The following VPS13C variants were observed in gnomAD, a reference collection of about 807,000 sequenced individuals.
VPS13C encodes vacuolar protein sorting 13 homolog C, also known as intermembrane lipid transfer protein VPS13C.
In VPS13C, 358 loss-of-function variants were observed where a neutral mutation model predicts 456.8. The ratio of observed to expected loss-of-function variants is 0.78; its 90% CI spans 0.72 to 0.86. The LOEUF (loss-of-function observed/expected upper bound fraction) is 0.86. VPS13C is among the 40% of genes least tolerant of loss of function. The pLI, the probability that VPS13C is intolerant of heterozygous loss-of-function variation, is 0.00. For synonymous variants in VPS13C, 1,578 were observed against 1,486.7 expected, an observed-to-expected ratio of 1.06 and a Z score of -1.41; for missense variants, 4,818 against 4,385.4, an observed-to-expected ratio of 1.10 and a Z score of -2.79.
At position 61,983,888 on chromosome 15, in the gene VPS13C, G is replaced by T. The variant is rs571658394; in HGVS notation, c.1846C>A (p.Pro616Thr). The change falls in exon 20 of 85, where the codon CCG (proline) becomes ACG (threonine). Residue 616 changes from proline to threonine, a missense_variant. Physicochemically the swap from Pro to Thr is conservative, Grantham distance 38 (BLOSUM62 -1). Coordinates refer to ENST00000644861, the MANE Select transcript of VPS13C (RefSeq NM_020821.3). ...GTCTGGTCAGCAGGACTATCCTCCG[G>T]ATTGGTTTCAAATTTAATTTTAAGC... is the stretch of plus-strand genomic sequence containing the variant. ...SLLKIKFETN[P>T]EDSPADQTLI... The T allele has an allele frequency of 1.2e-6, 2 of 1,614,116 alleles. No homozygotes were observed. Among genetic ancestry groups the T allele is most frequent in the South Asian group, 1.1e-5 (1 of 91,080 alleles).
chr15:61,886,521 C>T (rs1427309008), intron 67 of VPS13C, among the ~76,000 whole-genome samples: 1 of 152,076 alleles, frequency 6.6e-6, no homozygotes, highest in Non-Finnish European at 1.5e-5. Flanking sequence ...GAACAATATG[C>T]ACTAACTCAA....
In VPS13C at chr15:61,917,433, C is replaced by G; in HGVS notation, c.7963G>C (p.Gly2655Arg). The change falls in exon 60 of 85, where the codon GGG becomes CGG. Residue 2655 changes from glycine (G) to arginine (R), a missense_variant. Physicochemically the swap from Gly to Arg is moderately radical, Grantham distance 125. Around this residue, in one of 3 missense-constraint regions of VPS13C, gnomAD observed 4,552 missense variants for 4,130.6 expected, o/e 1.10. Transcript: ENST00000644861. ...ATGTAAGCTACATCCCAGTCTTCCC[C>G]ATGTGTACATATGTAGCTCAATTCA... is the stretch of plus-strand genomic sequence containing the variant. Reference protein sequence around the residue: ...PDELSYICTHGEDWDVAYIIH... With the variant: ...PDELSYICTHREDWDVAYIIH... 1 of 1,613,974 alleles carries G rather than the reference C, an allele frequency of 6.2e-7. No individual in the cohort carries two copies. The highest frequency in any genetic ancestry group is 2.2e-5 in the East Asian group (1 of 44,862).
chr15:62,016,588 A>G (rs1353240428), intron 9 of VPS13C, among the ~76,000 whole-genome samples: 1 of 151,936 alleles, frequency 6.6e-6, no homozygotes, highest in Non-Finnish European at 1.5e-5. Context: ...ATGTCCCTAC[A>G]AAGGACATGA....
At chr15:61,862,919 A>G (rs1894304029) in intron 82 of VPS13C, among the ~76,000 whole-genome samples, 1 of 152,170 alleles carries the variant, frequency 6.6e-6, no homozygotes, top group East Asian at 1.9e-4. Context: ...TAATTTTATT[A>G]TCTAGGATAG....
At chr15:61,881,508 A>G in intron 71 of VPS13C, 55 bp downstream of exon 71, 1 of 1,495,430 alleles carries the variant, frequency 6.7e-7, no homozygotes, top group Non-Finnish European at 9.0e-7. Context: ...ATTTATTTTC[A>G]AAGTAGATTC....
intron 2 of VPS13C, among the ~76,000 whole-genome samples, chr15:62,042,921 AT>A (rs898247873): frequency 4.0e-5 from 6 of 150,244 alleles, no homozygotes; most frequent in East Asian, 1.9e-4. Flanking sequence ...ATAATAAAAA[AT>A]ATATATATAT....
intron 5 of VPS13C, among the ~76,000 whole-genome samples, chr15:62,032,938 A>T (rs540037265): frequency 6.6e-6 from 1 of 151,898 alleles, no homozygotes; most frequent in South Asian, 2.1e-4. Flanking sequence ...AACGTAAGGC[A>T]GGATGTTAAA....
intron 19 of VPS13C, among the ~76,000 whole-genome samples, chr15:61,984,511 G>T (rs1401375434): frequency 3.9e-5 from 6 of 152,210 alleles, no homozygotes; most frequent in African/African-American, 1.4e-4. Flanking sequence ...ATGTTATATA[G>T]TTCTTGAATT....
At chr15:62,054,221 T>A (rs899946607) in intron 1 of VPS13C, among the ~76,000 whole-genome samples, 1 of 152,140 alleles carries the variant, frequency 6.6e-6, no homozygotes, top group African/African-American at 2.4e-5. Flanking sequence ...TGGTACCAGT[T>A]TGTGGGGAAC....
At chr15:61,966,358 A>G (rs559083013) in intron 29 of VPS13C, among the ~76,000 whole-genome samples, 2 of 151,752 alleles carry the variant, frequency 1.3e-5, no homozygotes, top group South Asian at 2.1e-4. Context: ...GAGAATATTC[A>G]TTTCTGGGAA....
chr15:61,973,636 G>A (rs777217445), intron 25 of VPS13C, 104 bp from the exon 26 acceptor site: 9 of 799,730 alleles, frequency 1.1e-5, no homozygotes, highest in Non-Finnish European at 1.7e-5. Context: ...AAGAGATATG[G>A]AAAGACACAT....
intron 4 of VPS13C, among the ~76,000 whole-genome samples, 197 bp downstream of exon 4, chr15:62,034,760 A>G (rs2047930210): frequency 6.6e-6 from 1 of 151,860 alleles, no homozygotes; most frequent in Admixed American, 6.6e-5. Flanking sequence ...TTCAACAACA[A>G]CAATACTTTA....
In VPS13C at chr15:61,867,886, T is replaced by C; in HGVS notation, c.10863+773A>G. ...CAATTAACACCACAGTTTGTTTTGATTTTTAAGGATGAAATCAAGTAGTAG... is the reference window on the plus strand; with the variant it reads ...CAATTAACACCACAGTTTGTTTTGACTTTTAAGGATGAAATCAAGTAGTAG... On this transcript the variant is annotated intron_variant, in intron 81 of 84. Transcript: ENST00000644861. This position sits in a 1 kb window ranked among gnomAD's most constrained non-coding sequence, Gnocchi z 5.0. The C allele has an allele frequency of 6.2e-7, 1 of 1,603,028 alleles. No individual in the cohort carries two copies. Among genetic ancestry groups the C allele is most frequent in the Non-Finnish European group, 8.5e-7 (1 of 1,174,826 alleles).
In VPS13C at chr15:61,929,750, TG is replaced by T. The variant is rs778245102; in HGVS notation, c.6039-3del. ...TGGTCATTCTTTCTGTCAATCATTC[TG>T]AAAAAAAACATGCTATTCATTATTT... is the stretch of plus-strand genomic sequence containing the variant. On this transcript the variant is annotated splice_polypyrimidine_tract_variant and splice_region_variant and intron_variant, in intron 50 of 84. Transcript: ENST00000644861. 6.2e-7 allele frequency: 1 copy of T among 1,604,180 alleles called. No homozygotes were observed. The highest frequency in any genetic ancestry group is 8.5e-7 in the Non-Finnish European group (1 of 1,174,242).
intron 19 of VPS13C, 100 bp downstream of exon 19, chr15:61,984,757 A>C: frequency 8.3e-7 from 1 of 1,204,400 alleles, no homozygotes. Flanking sequence ...AAAAGAAATT[A>C]AAGAGCTGGC....
At chr15:61,911,699 G>C (rs998311094) in intron 63 of VPS13C, 141 bp downstream of exon 63, 2 of 863,430 alleles carry the variant, frequency 2.3e-6, no homozygotes, top group Admixed American at 7.0e-5. Flanking sequence ...AATATAGTAA[G>C]AGAAAAATCT....
chr15:62,037,074 A>G lies in VPS13C; in HGVS notation c.188-2022T>C, dbSNP rs1375888389. Among the ~76,000 whole-genome samples, 5 of 147,392 alleles carry G rather than the reference A, an allele frequency of 3.4e-5. No individual in the cohort carries two copies. In the Admixed American group the frequency reaches 3.5e-4, roughly 10 times the overall value. On this transcript the variant is annotated intron_variant, in intron 3 of 84. Transcript: ENST00000644861. ...GGTCTCTCATAACTCAATGGGTAAC[A>G]GTGAAGGAAGCCATTAAATCTTTGT...
chr15:61,914,878 T>TAAAAAAA (rs60910951), intron 61 of VPS13C, among the ~76,000 whole-genome samples: 1,420 of 102,006 alleles, frequency 0.014, 208 homozygotes, highest in African/African-American at 0.048. Flanking sequence ...AACTCTGCCT[T>TAAAAAAA]AAAAAAAAAA....
In VPS13C at chr15:61,921,948, T is replaced by A. The variant is rs955581840; in HGVS notation, c.7061A>T (p.Asp2354Val). 1 of 1,612,694 alleles carries A rather than the reference T, an allele frequency of 6.2e-7. No individual in the cohort carries two copies. The highest frequency in any genetic ancestry group is 8.5e-7 in the Non-Finnish European group (1 of 1,178,974). ...EGKRQWNLRLDVKKNPVQDKS... is the reference protein window; with the variant it reads ...EGKRQWNLRLVVKKNPVQDKS... Reference sequence around the variant, plus strand: ...AAAGATATTTTAAGATTTCCTTACATCAAGCCTTAAATTCCATTGTCTCTT... The same window carrying A: ...AAAGATATTTTAAGATTTCCTTACAACAAGCCTTAAATTCCATTGTCTCTT... The change falls in exon 55 of 85, where the codon GAT (aspartate) becomes GTT (valine). Residue 2354 changes from aspartate to valine, a missense_variant and splice_region_variant. Physicochemically the swap from Asp to Val is radical, Grantham distance 152. This residue lies in a region of VPS13C where 4,552 missense variants were observed against 4,130.6 expected (regional missense o/e 1.10). Transcript: ENST00000644861.
Sources: gnomAD v4.1 joint callset for allele counts (sites outside exome capture counted in the v4.1 genomes callset) on GRCh38, gnomAD v4.1.1 for gene constraint, gnomAD v4.1.1 regional missense constraint, Gnocchi (gnomAD v3.1) non-coding constraint, MANE v1.5 for transcripts, NCBI Gene and HGNC (gene_info 2026-07-23, HGNC 2026-07-21) for gene names.